The following DNAJC27 variants were observed in gnomAD, a reference collection of about 807,000 sequenced individuals.
DNAJC27 encodes the protein DnaJ heat shock protein family (Hsp40) member C27.
DNAJC27 carries 25 observed loss-of-function variants against 31.4 expected under a neutral mutation model. That is an observed-to-expected ratio of 0.80 (90% CI 0.58 to 1.11). DNAJC27 has a LOEUF of 1.11. DNAJC27 is among the 50% of genes most tolerant of loss of function. The pLI, the probability that DNAJC27 is intolerant of heterozygous loss-of-function variation, is 0.00. For missense variants in DNAJC27, 356 were observed against 347.3 expected, an observed-to-expected ratio of 1.02 and a Z score of -0.20; for synonymous variants, 106 against 112.7, an observed-to-expected ratio of 0.94 and a Z score of 0.37.
chr2:24,970,080 G>T (rs1257243973), intron 1 of DNAJC27, among the ~76,000 whole-genome samples: 3 of 152,116 alleles, frequency 2.0e-5, no homozygotes, highest in Admixed American at 2.0e-4. Context: ...TATAGGTGCT[G>T]CCTATTTCAT....
intron 5 of DNAJC27, 98 bp downstream of exon 5, chr2:24,956,945 T>G (rs944174729): frequency 1.4e-4 from 198 of 1,398,002 alleles, no homozygotes; most frequent in Non-Finnish European, 1.8e-4. Context: ...CTTATTCTAA[T>G]GAGAAATTCC....
At chr2:24,959,866 T>G (rs1248426983) in intron 3 of DNAJC27, among the ~76,000 whole-genome samples, 2 of 152,186 alleles carry the variant, frequency 1.3e-5, no homozygotes, top group Non-Finnish European at 2.9e-5. Context: ...CCTGCCCAGT[T>G]TTACAGTTAG....
intron 6 of DNAJC27, among the ~76,000 whole-genome samples, 180 bp from the exon 7 acceptor site, chr2:24,947,928 A>AG (rs1416816107): frequency 6.6e-5 from 10 of 152,262 alleles, no homozygotes; most frequent in African/African-American, 2.4e-4. Flanking sequence ...TATGTAATAT[A>AG]TAACACAAAT....
At position 24,957,143 on chromosome 2, in the gene DNAJC27, C is replaced by A; in HGVS notation, c.428G>T (p.Cys143Phe). Reference sequence around the variant, plus strand: ...AAGACGTCCTTCACTTTCATCTACACAGCGATGTTTGGTACAATCAATCTG... The same window carrying A: ...AAGACGTCCTTCACTTTCATCTACAAAGCGATGTTTGGTACAATCAATCTG... ...ANKIDCTKHR[C>F]VDESEGRLWA... Residue 143 changes from cysteine to phenylalanine, a missense_variant, in exon 5 of 7, where the codon TGT becomes TTT. Transcript: ENST00000264711. 1 of 1,606,442 alleles carries A rather than the reference C, an allele frequency of 6.2e-7. No homozygotes were observed. The highest frequency in any genetic ancestry group is 8.5e-7 in the Non-Finnish European group (1 of 1,177,770).
At chr2:24,964,936 G>A (rs1364604249) in intron 2 of DNAJC27, among the ~76,000 whole-genome samples, 4 of 152,112 alleles carry the variant, frequency 2.6e-5, no homozygotes, top group African/African-American at 4.8e-5. Context: ...GGCTGGACGC[G>A]GTGGCTCACA....
rs1666098541 is a variant in DNAJC27 at position 24,963,442 on chromosome 2, T to C, written c.203A>G (p.Asn68Ser). 1 of 1,613,766 alleles carries C rather than the reference T, an allele frequency of 6.2e-7. No individual in the cohort carries two copies. The highest frequency in any genetic ancestry group is 1.3e-5 in the African/African-American group (1 of 74,952). Reference sequence around the variant, plus strand: ...GGGATGTCCAGCCATATCAAAGATGTTAACTTTGATTTCTCTGTCTCTGAC... The same window carrying C: ...GGGATGTCCAGCCATATCAAAGATGCTAACTTTGATTTCTCTGTCTCTGAC... ...VHVRDREIKV[N>S]IFDMAGHPFF... The change falls in exon 3 of 7, where the codon AAC (asparagine) becomes AGC (serine). Residue 68 changes from asparagine to serine, a missense_variant. Physicochemically the swap from Asn to Ser is conservative, Grantham distance 46 (BLOSUM62 1). Transcript: ENST00000264711.
At chr2:24,964,517 G>T (rs1666129849) in intron 2 of DNAJC27, among the ~76,000 whole-genome samples, 1 of 152,080 alleles carries the variant, frequency 6.6e-6, no homozygotes, top group Admixed American at 6.5e-5. Flanking sequence ...AGGTAGAGAG[G>T]GAGAGAGATG....
chr2:24,956,739 G>A (rs1665912874), intron 5 of DNAJC27, among the ~76,000 whole-genome samples: 1 of 152,054 alleles, frequency 6.6e-6, no homozygotes, highest in African/African-American at 2.4e-5. Context: ...TAGATTCCTG[G>A]GCTCCATCGC....
intron 6 of DNAJC27, among the ~76,000 whole-genome samples, chr2:24,950,423 C>T (rs554136149): frequency 1.5e-3 from 230 of 152,182 alleles, no homozygotes; most frequent in Non-Finnish European, 2.8e-3. Context: ...TGTGTAGTAA[C>T]GGTAGAATTA....
Position 24,971,901 on chromosome 2 carries a change from C to A in DNAJC27, c.4G>T (p.Glu2Ter). The change falls in exon 1 of 7, where the codon GAG becomes TAG. Residue 2 changes from glutamate (E) to a stop codon, truncating the protein, a stop_gained. Coordinates refer to ENST00000264711, the MANE Select transcript of DNAJC27 (RefSeq NM_016544.3). LOFTEE classifies it high-confidence loss of function. M[E>*]ANMPKRKEPG... is the part of the protein sequence containing the mutation. The stretch of plus-strand genomic sequence containing the variant: ...TCCTTCCGCTTCGGCATGTTGGCCT[C>A]CATGGCCCTGGCTCTCTCGGGGCCA... 1 of 1,598,424 alleles carries A rather than the reference C, an allele frequency of 6.3e-7. No homozygotes were observed. Among genetic ancestry groups the A allele is most frequent in the Non-Finnish European group, 8.5e-7 (1 of 1,174,410 alleles).
intron 6 of DNAJC27, among the ~76,000 whole-genome samples, 160 bp from the exon 7 acceptor site, chr2:24,947,908 C>A (rs190495755): frequency 2.6e-5 from 4 of 152,192 alleles, no homozygotes; most frequent in Admixed American, 2.6e-4. Context: ...GACAACCAAC[C>A]AATAAATAGT....
At chr2:24,966,344 C>A (rs1187372680) in intron 2 of DNAJC27, among the ~76,000 whole-genome samples, 2 of 152,182 alleles carry the variant, frequency 1.3e-5, no homozygotes, top group African/African-American at 4.8e-5. Context: ...CTATCTACCC[C>A]AATTCTACTG....
chr2:24,948,130 G>C (rs1209356747), intron 6 of DNAJC27, among the ~76,000 whole-genome samples: 3 of 152,084 alleles, frequency 2.0e-5, no homozygotes, highest in Non-Finnish European at 2.9e-5. Flanking sequence ...AAGGGGTTCT[G>C]GGAGAGAACC....
chr2:24,971,771 T>TCGCCCCGCCACGCTGGGGCC (rs1666346731), intron 1 of DNAJC27, 47 bp downstream of exon 1: 1 of 1,527,800 alleles, frequency 6.5e-7, no homozygotes, highest in Non-Finnish European at 8.8e-7. Flanking sequence ...AATGGACACG[T>TCGCCCCGCCACGCTGGGGCC]CGCCCCGCCA....
At chr2:24,964,053 A>G (rs1666114988) in intron 2 of DNAJC27, among the ~76,000 whole-genome samples, 1 of 152,238 alleles carries the variant, frequency 6.6e-6, no homozygotes, top group African/African-American at 2.4e-5. Flanking sequence ...TGTTAACATC[A>G]TAGCATATTT....
intron 4 of DNAJC27, 101 bp downstream of exon 4, chr2:24,957,709 A>G: frequency 9.0e-7 from 1 of 1,108,098 alleles, no homozygotes; most frequent in Non-Finnish European, 1.3e-6. Context: ...ATTGATTTCC[A>G]TATTACACAA....
chr2:24,964,216 C>A (rs1183854042), intron 2 of DNAJC27, among the ~76,000 whole-genome samples: 1 of 151,652 alleles, frequency 6.6e-6, no homozygotes, highest in Non-Finnish European at 1.5e-5. Flanking sequence ...GTCAGGAGAT[C>A]GAGACCATCC....
Position 24,957,791 on chromosome 2 carries a change from C to A in DNAJC27, c.405+19G>T, listed in dbSNP as rs1665943336. ...CTCTTTCCCTAGAAATCTGAACACA[C>A]CATTTCCAGAGGGGTTACCTTGTTG... On this transcript the variant is annotated intron_variant, in intron 4 of 6. Coordinates refer to ENST00000264711, the MANE Select transcript of DNAJC27 (RefSeq NM_016544.3). 1 of 1,609,892 alleles carries A rather than the reference C, an allele frequency of 6.2e-7. No individual in the cohort carries two copies. Among genetic ancestry groups the A allele is most frequent in the Admixed American group, 1.7e-5 (1 of 59,898 alleles).
At position 24,947,407 on chromosome 2, in the gene DNAJC27, T is replaced by TGTAA. The variant is rs1159475254; in HGVS notation, c.*208_*209insTTAC. 1.2e-5 allele frequency: 6 copies of TGTAA among 516,818 alleles called. No individual in the cohort carries two copies. The highest frequency in any genetic ancestry group is 7.5e-5 in the African/African-American group (4 of 53,284). 32.0% of individuals were successfully genotyped at this position (516,818 alleles called of 1,614,324 possible). Reference sequence around the variant, plus strand: ...TAGAAATATGAAATGAAGTACAGGGTGTGACGCTCAGTTCACTTCATACAA... The same window carrying TGTAA: ...TAGAAATATGAAATGAAGTACAGGGTGTAAGTGACGCTCAGTTCACTTCATACAA... On this transcript the variant is annotated 3_prime_UTR_variant, in exon 7 of 7. Transcript: ENST00000264711.
Sources: allele counts gnomAD v4.1 joint callset (sites outside exome capture counted in the v4.1 genomes callset), GRCh38; gene constraint gnomAD v4.1.1; transcripts MANE v1.5; gene names NCBI Gene and HGNC (gene_info 2026-07-23, HGNC 2026-07-21).